ANK3: variants seen among roughly 807,000 people sequenced by gnomAD.
ANK3 encodes ankyrin-3.
ANK3 carries 57 observed loss-of-function variants against 370.9 expected under a neutral mutation model. That is an observed-to-expected ratio of 0.15 (90% CI 0.12 to 0.19). ANK3 has a LOEUF of 0.19. Ranked by LOEUF, ANK3 falls within the 10% of genes least tolerant of loss-of-function variation. The probability of loss-of-function intolerance (pLI) is 1.00; values close to 1 mark genes in which losing one functional copy is unlikely to be tolerated. For synonymous variants in ANK3, 1,929 were observed against 1,946.3 expected, an observed-to-expected ratio of 0.99 and a Z score of 0.23; for missense variants, 4,439 against 5,302.1, an observed-to-expected ratio of 0.84 and a Z score of 5.06.
chr10:60,530,735 G>A (rs1294995898), intron 2 of ANK3, among the ~76,000 whole-genome samples: 2 of 152,160 alleles, frequency 1.3e-5, no homozygotes, highest in East Asian at 3.9e-4. Context: ...CTTGGAAGAA[G>A]TGAGTTAACA....
intron 2 of ANK3, among the ~76,000 whole-genome samples, chr10:60,514,685 G>A (rs1203269936): frequency 1.3e-5 from 2 of 152,144 alleles, no homozygotes; most frequent in Admixed American, 6.6e-5. Flanking sequence ...GCATGTCAAC[G>A]TTATTCTGTG....
intron 14 of ANK3, among the ~76,000 whole-genome samples, chr10:60,197,146 T>C (rs1347694366): frequency 2.0e-5 from 3 of 152,224 alleles, no homozygotes; most frequent in Non-Finnish European, 4.4e-5. Context: ...ACAATCCTTA[T>C]GTGTCCTCTA....
At chr10:60,497,815 C>T (rs1447196833) in intron 2 of ANK3, among the ~76,000 whole-genome samples, 2 of 152,138 alleles carry the variant, frequency 1.3e-5, no homozygotes, top group African/African-American at 4.8e-5. Flanking sequence ...GATGATAACA[C>T]AGAGATATAG....
chr10:60,662,143 C>T (rs761768419), intron 1 of ANK3, among the ~76,000 whole-genome samples: 1 of 152,098 alleles, frequency 6.6e-6, no homozygotes, highest in Admixed American at 6.6e-5. Context: ...TACTATTGGT[C>T]GTTTTTGAGT....
chr10:60,063,301 T>G, intron 39 of ANK3, 47 bp from the exon 40 acceptor site: 1 of 1,562,206 alleles, frequency 6.4e-7, no homozygotes, highest in South Asian at 1.2e-5. Flanking sequence ...ATTATGTTCT[T>G]TCAGTCAGCA....
At chr10:60,437,583 G>C (rs2064190083) in intron 2 of ANK3, among the ~76,000 whole-genome samples, 1 of 152,180 alleles carries the variant, frequency 6.6e-6, no homozygotes, top group African/African-American at 2.4e-5. Context: ...TGAATGAACA[G>C]ATTCAAGCTT....
chr10:60,354,816 A>C (rs1037888266), intron 1 of ANK3, among the ~76,000 whole-genome samples: 4 of 152,224 alleles, frequency 2.6e-5, no homozygotes, highest in African/African-American at 9.6e-5. Flanking sequence ...ATGTTATTAT[A>C]ATACACGTTT....
At chr10:60,397,899 A>T (rs1410967445) in intron 2 of ANK3, among the ~76,000 whole-genome samples, 1 of 152,166 alleles carries the variant, frequency 6.6e-6, no homozygotes, top group African/African-American at 2.4e-5. Flanking sequence ...TTCTTTCCCA[A>T]TATCTTTTAA....
intron 1 of ANK3, among the ~76,000 whole-genome samples, chr10:60,329,941 T>C (rs1013243774): frequency 2.0e-5 from 3 of 152,116 alleles, no homozygotes; most frequent in Non-Finnish European, 2.9e-5. Flanking sequence ...GACAGATATA[T>C]AGACCAATGA....
At position 60,441,510 on chromosome 10, in the gene ANK3, T is replaced by C. The variant is rs930843547; in HGVS notation, c.97-161871A>G. On this transcript the variant is annotated intron_variant, in intron 2 of 43. Coordinates refer to the ANK3 transcript ENST00000373827. ...TTCTACTTCTCCTATCTTGAATTTTTCTCTTAGAAATGCTGTGTGTAGGTC... is the reference window on the plus strand; with the variant it reads ...TTCTACTTCTCCTATCTTGAATTTTCCTCTTAGAAATGCTGTGTGTAGGTC... Among the ~76,000 whole-genome samples, 3 of 152,342 alleles carry C rather than the reference T, an allele frequency of 2.0e-5. 1 individual carries two copies. The South Asian group carries it at 6.2e-4, about 32-fold the overall frequency.
At chr10:60,081,724 T>C (rs562120155) in intron 35 of ANK3, 1 of 285,952 alleles carries the variant, frequency 3.5e-6, no homozygotes, top group African/African-American at 2.2e-5. Context: ...CATGAAACTT[T>C]CACAAAATGT....
intron 28 of ANK3, among the ~76,000 whole-genome samples, chr10:60,098,441 A>G (rs1431651230): frequency 1.3e-5 from 2 of 152,160 alleles, no homozygotes; most frequent in Non-Finnish European, 2.9e-5. Context: ...ATAATATTCA[A>G]CTCTAGTTAT....
intron 2 of ANK3, among the ~76,000 whole-genome samples, chr10:60,565,055 G>A (rs1448588586): frequency 6.6e-6 from 1 of 151,936 alleles, no homozygotes; most frequent in African/African-American, 2.4e-5. Context: ...TATATATTCT[G>A]GGCCATGGTC....
At chr10:60,661,646 C>T (rs1157945215) in intron 1 of ANK3, among the ~76,000 whole-genome samples, 2 of 152,090 alleles carry the variant, frequency 1.3e-5, no homozygotes, top group African/African-American at 2.4e-5. Flanking sequence ...GCCTCCAGCA[C>T]CGTGATGGCC....
intron 1 of ANK3, among the ~76,000 whole-genome samples, chr10:60,689,982 T>C (rs906576642): frequency 7.2e-5 from 11 of 152,162 alleles, no homozygotes; most frequent in African/African-American, 2.7e-4. Flanking sequence ...ACAAACATGC[T>C]TGAGAATAGC....
rs937559098 is a variant in ANK3, at chr10:60,047,103, G to A, written c.13066-4344C>T. Among the ~76,000 whole-genome samples, 9 of 152,074 alleles carry A rather than the reference G, an allele frequency of 5.9e-5. No homozygotes were observed. The East Asian group carries it at 1.2e-3, about 20-fold the overall frequency. On this transcript the variant is annotated intron_variant, in intron 42 of 43. Transcript: ENST00000280772. Reference sequence around the variant, plus strand: ...ATTACAGGCCTGAGCCACCGCGCCCGGCCTCAATGAGGTTTTTAAAGTTCT... The same window carrying A: ...ATTACAGGCCTGAGCCACCGCGCCCAGCCTCAATGAGGTTTTTAAAGTTCT...
chr10:60,713,391 T>A (rs905351212), intron 1 of ANK3, among the ~76,000 whole-genome samples: 20 of 152,010 alleles, frequency 1.3e-4, no homozygotes, highest in Non-Finnish European at 2.5e-4. Flanking sequence ...CAAGAGAAAT[T>A]AAAAATATTT....
upstream of ANK3, among the ~76,000 whole-genome samples, chr10:60,394,485 T>C (rs2063175197): frequency 6.6e-6 from 1 of 152,054 alleles, no homozygotes. Flanking sequence ...TATCTGACTA[T>C]CCAGCTTGAC....
intron 1 of ANK3, among the ~76,000 whole-genome samples, chr10:60,626,540 A>G (rs1237400218): frequency 6.6e-6 from 1 of 152,210 alleles, no homozygotes; most frequent in Non-Finnish European, 1.5e-5. Flanking sequence ...TTTAGGGATT[A>G]CTGAAATGAA....
Sources: gnomAD v4.1 joint callset for allele counts (sites outside exome capture counted in the v4.1 genomes callset) on GRCh38, gnomAD v4.1.1 for gene constraint, MANE v1.5 for transcripts, NCBI Gene and HGNC (gene_info 2026-07-23, HGNC 2026-07-21) for gene names.